Variants in PRKD1 observed in about 807,000 individuals in gnomAD.
PRKD1 encodes protein kinase D1.
In PRKD1, 63 loss-of-function variants were observed where a neutral mutation model predicts 95.9. The observed-to-expected ratio is 0.66, with a 90% CI of 0.54 to 0.81. The LOEUF is 0.81. PRKD1 is among the 30% of genes least tolerant of loss of function. The probability of loss-of-function intolerance (pLI) is 0.00; values close to 1 mark genes in which losing one functional copy is unlikely to be tolerated. For synonymous variants in PRKD1, 425 were observed against 423.1 expected (o/e 1.00, Z -0.05); for missense variants, 1,048 against 1,165.3 (o/e 0.90, Z 1.47).
At chr14:29,911,010 A>G (rs1479595716) in intron 1 of PRKD1, among the ~76,000 whole-genome samples, 3 of 152,174 alleles carry the variant, frequency 2.0e-5, no homozygotes, top group Non-Finnish European at 2.9e-5. Context: ...AAACATAGAG[A>G]AGTTTAAGAG....
chr14:29,794,543 T>C (rs1889723890), intron 1 of PRKD1, among the ~76,000 whole-genome samples: 1 of 152,170 alleles, frequency 6.6e-6, no homozygotes, highest in African/African-American at 2.4e-5. Context: ...TGTACATTCC[T>C]AATGAATATA....
chr14:29,700,988 G>GCACACACACACACACACACACACACA (rs1555337072), intron 2 of PRKD1, among the ~76,000 whole-genome samples: 3 of 90,562 alleles, frequency 3.3e-5, no homozygotes, highest in African/African-American at 8.6e-5. Context: ...GCGCGCGCGC[G>GCACACACACACACACACACACACACA]CACACACACA....
At chr14:29,589,461 T>C (rs1438727517) in intron 16 of PRKD1, among the ~76,000 whole-genome samples, 2 of 152,152 alleles carry the variant, frequency 1.3e-5, no homozygotes, top group East Asian at 3.9e-4. Context: ...TAAAGGAATG[T>C]AGGAAGACAG....
At chr14:29,836,210 G>A (rs1450195653) in intron 1 of PRKD1, among the ~76,000 whole-genome samples, 1 of 152,194 alleles carries the variant, frequency 6.6e-6, no homozygotes, top group African/African-American at 2.4e-5. Context: ...CGTTTGGAAA[G>A]CAAGCTGGAG....
intron 2 of PRKD1, among the ~76,000 whole-genome samples, chr14:29,693,651 C>CAACA (rs1555336253): frequency 6.7e-5 from 9 of 133,498 alleles, no homozygotes; most frequent in African/African-American, 2.5e-4. Context: ...ACAACAACAA[C>CAACA]AAAAAAAAAA....
chr14:29,653,744 TA>T (rs985065973), intron 4 of PRKD1, among the ~76,000 whole-genome samples: 5 of 151,940 alleles, frequency 3.3e-5, no homozygotes, highest in African/African-American at 4.8e-5. Context: ...GGAAAAGACA[TA>T]AAAAACATAC....
intron 1 of PRKD1, among the ~76,000 whole-genome samples, chr14:29,803,463 A>G (rs943509983): frequency 2.0e-5 from 3 of 152,238 alleles, no homozygotes; most frequent in African/African-American, 7.2e-5. Context: ...GTAACTCTAT[A>G]TTAGCATACT....
At chr14:29,824,964 C>T (rs1430726809) in intron 1 of PRKD1, among the ~76,000 whole-genome samples, 3 of 152,014 alleles carry the variant, frequency 2.0e-5, no homozygotes, top group Non-Finnish European at 4.4e-5. Context: ...GACTGAAAAG[C>T]CAGATAATTA....
chr14:29,614,009 A>G (rs1878669771), intron 13 of PRKD1, among the ~76,000 whole-genome samples: 1 of 152,220 alleles, frequency 6.6e-6, no homozygotes, highest in Admixed American at 6.5e-5. Context: ...CAGTCCACAC[A>G]TACTCTTCTA....
At chr14:29,732,374 C>CACACA (rs78797150) in intron 1 of PRKD1, among the ~76,000 whole-genome samples, 26,742 of 151,716 alleles carry the variant, frequency 0.18, 2,577 homozygotes, top group South Asian at 0.26. Flanking sequence ...TCCTATTTCA[C>CACACA]ACACAATGAC....
At chr14:29,744,693 C>T (rs1423945349) in intron 1 of PRKD1, among the ~76,000 whole-genome samples, 2 of 152,096 alleles carry the variant, frequency 1.3e-5, no homozygotes, top group Admixed American at 1.3e-4. Flanking sequence ...ATTACAGGTG[C>T]CCGCCACCAT....
intron 1 of PRKD1, among the ~76,000 whole-genome samples, chr14:29,844,302 G>T (rs546513841): frequency 6.6e-6 from 1 of 152,290 alleles, no homozygotes; most frequent in African/African-American, 2.4e-5. Context: ...TGAGTTGCAC[G>T]TGTTGTGTAT....
At chr14:29,891,765 A>T (rs753360045) in intron 1 of PRKD1, among the ~76,000 whole-genome samples, 1 of 152,156 alleles carries the variant, frequency 6.6e-6, no homozygotes, top group African/African-American at 2.4e-5. Context: ...CTCACAGAAA[A>T]TATACGCTGC....
At position 29,638,906 on chromosome 14, in the gene PRKD1, T is replaced by C. The variant is rs1190417179; in HGVS notation, c.697-2A>G. ...AAACGACTCTGATGGTGATTTTTGC[T>C]ACATTTTGGAAAACAATAAAGGAAG... On this transcript the variant is annotated splice_acceptor_variant, in intron 4 of 17. Coordinates refer to ENST00000331968, the MANE Select transcript of PRKD1 (RefSeq NM_002742.3). LOFTEE classifies it high-confidence loss of function. 1 of 1,613,628 alleles carries C rather than the reference T, an allele frequency of 6.2e-7. No homozygotes were observed. The highest frequency in any genetic ancestry group is 1.3e-5 in the African/African-American group (1 of 74,918).
At chr14:29,892,958 T>C (rs1893991527) in intron 1 of PRKD1, among the ~76,000 whole-genome samples, 1 of 152,212 alleles carries the variant, frequency 6.6e-6, no homozygotes. Flanking sequence ...GCCTATTTCT[T>C]CATAAAGTTA....
intron 16 of PRKD1, among the ~76,000 whole-genome samples, chr14:29,579,371 T>C (rs982852434): frequency 1.3e-5 from 2 of 152,114 alleles, no homozygotes; most frequent in Non-Finnish European, 2.9e-5. Context: ...GAAGCATTTA[T>C]ATTTCAAAGA....
intron 1 of PRKD1, among the ~76,000 whole-genome samples, chr14:29,808,373 CTTTTTTTTTTTTTTTTTT>C (rs34250184): frequency 1.9e-3 from 39 of 20,010 alleles, no homozygotes; most frequent in East Asian, 9.7e-3. Flanking sequence ...TCAGGCTCTA[CTTTTTTTTTTTTTTTTTT>C]TTTTTTTTTT....
intron 2 of PRKD1, among the ~76,000 whole-genome samples, chr14:29,697,576 A>T (rs1479153989): frequency 6.6e-6 from 1 of 152,212 alleles, no homozygotes; most frequent in Non-Finnish European, 1.5e-5. Flanking sequence ...CCCATTGCAA[A>T]CATCTATTTT....
intron 1 of PRKD1, among the ~76,000 whole-genome samples, chr14:29,889,468 C>G (rs1181607464): frequency 6.6e-6 from 1 of 152,126 alleles, no homozygotes; most frequent in Non-Finnish European, 1.5e-5. Context: ...TTTCCCTTTC[C>G]TAGCCAAGGG....
Sources: allele counts gnomAD v4.1 joint callset (sites outside exome capture counted in the v4.1 genomes callset), GRCh38; gene constraint gnomAD v4.1.1; transcripts MANE v1.5; gene names NCBI Gene and HGNC (gene_info 2026-07-23, HGNC 2026-07-21).